Variants in CLEC16A observed in about 807,000 individuals in gnomAD.
The protein encoded by CLEC16A is C-type lectin domain containing 16A, also known as protein CLEC16A.
In CLEC16A, 51 loss-of-function variants were observed where a neutral mutation model predicts 109.5. The ratio of observed to expected loss-of-function variants is 0.47; its 90% confidence interval spans 0.37 to 0.59. The LOEUF (loss-of-function observed/expected upper bound fraction) is 0.59. CLEC16A is among the 20% of genes least tolerant of loss of function. CLEC16A has a pLI of 0.00. For synonymous variants in CLEC16A, 673 were observed against 564.2 expected (o/e 1.19, Z -2.73); for missense variants, 1,339 against 1,394.0 (o/e 0.96, Z 0.63).
chr16:11,018,087 C>A (rs541321770), intron 11 of CLEC16A, among the ~76,000 whole-genome samples: 1 of 150,832 alleles, frequency 6.6e-6, no homozygotes, highest in African/African-American at 2.4e-5. Flanking sequence ...GTGGGAGGAT[C>A]ATTTGAGCTC....
chr16:11,009,753 C>G (rs1597026170), intron 11 of CLEC16A, among the ~76,000 whole-genome samples: 2 of 152,336 alleles, frequency 1.3e-5, no homozygotes, highest in East Asian at 3.9e-4. Context: ...AGACTAATGC[C>G]TTGGTACTTC....
intron 13 of CLEC16A, among the ~76,000 whole-genome samples, chr16:11,028,325 A>C (rs2046541639): frequency 6.6e-6 from 1 of 152,218 alleles, no homozygotes; most frequent in African/African-American, 2.4e-5. Flanking sequence ...CATTCCATGG[A>C]GGAAGGAGTC....
At chr16:11,008,122 A>G (rs996319454) in intron 11 of CLEC16A, among the ~76,000 whole-genome samples, 5 of 152,290 alleles carry the variant, frequency 3.3e-5, no homozygotes, top group Admixed American at 2.6e-4. Flanking sequence ...AATTCTGCTA[A>G]AAAGCCAGCC....
At chr16:11,038,312 G>T (rs572083087) in intron 13 of CLEC16A, among the ~76,000 whole-genome samples, 1 of 152,178 alleles carries the variant, frequency 6.6e-6, no homozygotes, top group Non-Finnish European at 1.5e-5. Context: ...TAAGAGTTCC[G>T]AGAAGTGCCA....
intron 22 of CLEC16A, among the ~76,000 whole-genome samples, chr16:11,164,962 G>C (rs907689576): frequency 6.6e-6 from 1 of 152,160 alleles, no homozygotes; most frequent in Non-Finnish European, 1.5e-5. Context: ...ATTCGCTTGA[G>C]GAGTGGGAAG....
intron 22 of CLEC16A, among the ~76,000 whole-genome samples, chr16:11,142,820 A>T (rs2053898201): frequency 1.3e-5 from 2 of 151,904 alleles, no homozygotes; most frequent in Non-Finnish European, 2.9e-5. Context: ...AAACTTTTTT[A>T]TTTTTTTGGA....
At chr16:11,146,561 T>G (rs2054066434) in intron 22 of CLEC16A, among the ~76,000 whole-genome samples, 1 of 142,862 alleles carries the variant, frequency 7.0e-6, no homozygotes, top group African/African-American at 2.7e-5. Flanking sequence ...AGGATGGAGG[T>G]GGAGGGAGAG....
intron 22 of CLEC16A, chr16:11,136,250 A>T (rs1415074844): frequency 6.6e-6 from 1 of 152,234 alleles, no homozygotes; most frequent in Non-Finnish European, 1.5e-5. Flanking sequence ...GATGCTCGAC[A>T]ATGTGAGTGG....
At position 10,962,511 on chromosome 16, in the gene CLEC16A, C is replaced by T; in HGVS notation, c.266C>T (p.Ser89Leu). 1.2e-6 allele frequency: 2 copies of T among 1,613,878 alleles called. No homozygotes were observed. The highest frequency in any genetic ancestry group is 1.7e-6 in the Non-Finnish European group (2 of 1,179,848). ...TTCTTGAACATCTTGCGGCAAAAGT[C>T]GGGCCGTTACGTGTGCGTTCAGCTG... ...VFFLNILRQK[S>L]GRYVCVQLLQ... is the part of the protein sequence containing the mutation. The change falls in exon 3 of 24, where the codon TCG becomes TTG. Residue 89 changes from serine to leucine, a missense_variant. Ser to Leu is a moderately radical substitution (Grantham distance 145, BLOSUM62 -2). This residue lies in a region of CLEC16A where 117 missense variants were observed against 120.2 expected (regional missense o/e 0.97). Transcript: ENST00000409790.
intron 20 of CLEC16A, among the ~76,000 whole-genome samples, chr16:11,122,768 A>G (rs1262166266): frequency 6.6e-6 from 1 of 152,072 alleles, no homozygotes; most frequent in Non-Finnish European, 1.5e-5. Context: ...TAGATTGTCT[A>G]TGCAGAGTCC....
At chr16:10,956,326 T>C (rs2041983855) in intron 1 of CLEC16A, among the ~76,000 whole-genome samples, 2 of 152,252 alleles carry the variant, frequency 1.3e-5, no homozygotes, top group Non-Finnish European at 2.9e-5. Flanking sequence ...TTGTTCTTTA[T>C]TGTTTCATCT....
intron 11 of CLEC16A, among the ~76,000 whole-genome samples, chr16:11,013,489 G>A (rs1044876193): frequency 1.3e-5 from 2 of 152,166 alleles, no homozygotes; most frequent in Admixed American, 6.5e-5. Flanking sequence ...ATGAGGCCAG[G>A]TGTGCTGGCT....
chr16:10,955,437 A>G (rs901136912), intron 1 of CLEC16A, among the ~76,000 whole-genome samples: 1 of 152,064 alleles, frequency 6.6e-6, no homozygotes, highest in African/African-American at 2.4e-5. Flanking sequence ...TGCAGTAGCA[A>G]ATATGTGTGG....
intron 1 of CLEC16A, among the ~76,000 whole-genome samples, chr16:10,957,264 C>T (rs899782088): frequency 1.3e-5 from 2 of 152,248 alleles, no homozygotes; most frequent in African/African-American, 2.4e-5. Context: ...TTTGTCCCAG[C>T]AACTGCTGTG....
chr16:10,996,501 A>T (rs16957894), intron 10 of CLEC16A, among the ~76,000 whole-genome samples: 13 of 151,856 alleles, frequency 8.6e-5, no homozygotes, highest in African/African-American at 3.1e-4. Flanking sequence ...TGGCTTTCCT[A>T]CTATTCTTTC....
At chr16:11,066,210 C>G (rs1432249249) in intron 19 of CLEC16A, among the ~76,000 whole-genome samples, 5 of 152,196 alleles carry the variant, frequency 3.3e-5, no homozygotes, top group Non-Finnish European at 5.9e-5. Context: ...TGTGCTGTGC[C>G]TAGAACAGTG....
intron 23 of CLEC16A, among the ~76,000 whole-genome samples, chr16:11,169,257 A>G (rs958909864): frequency 6.6e-6 from 1 of 152,106 alleles, no homozygotes; most frequent in Non-Finnish European, 1.5e-5. Context: ...AGGAAACCCC[A>G]GTGGCTTCTT....
rs1054954593 is a variant in CLEC16A, at chr16:11,053,829, A to G, written c.1995+2188A>G. On this transcript the variant is annotated intron_variant, in intron 18 of 23. Transcript: ENST00000409790. Reference sequence around the variant, plus strand: ...CTGCTTCCCACACTGCCTTCTTGAGATCTGCTGGCTCTGCTCAGGACACTG... The same window carrying G: ...CTGCTTCCCACACTGCCTTCTTGAGGTCTGCTGGCTCTGCTCAGGACACTG... Among the ~76,000 whole-genome samples, 3 of 152,166 alleles carry G rather than the reference A, an allele frequency of 2.0e-5. No homozygotes were observed. In the South Asian group the frequency reaches 6.2e-4, roughly 32 times the overall value.
chr16:11,014,222 A>G (rs1396055781), intron 11 of CLEC16A, among the ~76,000 whole-genome samples: 1 of 152,198 alleles, frequency 6.6e-6, no homozygotes, highest in Non-Finnish European at 1.5e-5. Flanking sequence ...ACAGGGTAGC[A>G]TATGTGTTCC....
Sources: allele counts gnomAD v4.1 joint callset (sites outside exome capture counted in the v4.1 genomes callset), GRCh38; gene constraint gnomAD v4.1.1; regional missense constraint gnomAD v4.1.1; transcripts MANE v1.5; gene names NCBI Gene and HGNC (gene_info 2026-07-23, HGNC 2026-07-21).